ZNF407: variants seen among roughly 807,000 people sequenced by gnomAD.
ZNF407 encodes the protein zinc finger protein 407.
A neutral mutation model predicts 131.2 loss-of-function variants in ZNF407; 17 were observed. That is an observed-to-expected ratio of 0.13 (90% CI 0.09 to 0.19). ZNF407 has a LOEUF of 0.19. Among genes scored for constraint, ZNF407 ranks in the 10% least tolerant of loss-of-function variants. The pLI, the probability that ZNF407 is intolerant of heterozygous loss-of-function variation, is 1.00. For synonymous variants in ZNF407, 1,156 were observed against 1,062.0 expected (o/e 1.09, Z -1.72); for missense variants, 2,681 against 2,830.6 (o/e 0.95, Z 1.20).
intron 1 of ZNF407, among the ~76,000 whole-genome samples, chr18:74,614,667 T>C (rs1375197489): frequency 6.6e-6 from 1 of 152,214 alleles, no homozygotes; most frequent in African/African-American, 2.4e-5. Flanking sequence ...ACTTTCTTAA[T>C]CAGAATCTTT....
intron 3 of ZNF407, among the ~76,000 whole-genome samples, chr18:74,642,514 A>G (rs1984770069): frequency 1.3e-5 from 2 of 152,144 alleles, no homozygotes. Context: ...ACTGTTGTCA[A>G]TAGAGATCTA....
intron 7 of ZNF407, among the ~76,000 whole-genome samples, chr18:74,906,510 T>C (rs1971597092): frequency 6.6e-6 from 1 of 152,236 alleles, no homozygotes; most frequent in African/African-American, 2.4e-5. Context: ...ATTTGCTTTA[T>C]ATGTAGAACA....
chr18:74,816,093 C>T (rs979917596), intron 4 of ZNF407, among the ~76,000 whole-genome samples: 2 of 152,106 alleles, frequency 1.3e-5, no homozygotes, highest in South Asian at 2.1e-4. Context: ...AGGATACTCT[C>T]GTATGAAGGG....
At chr18:74,819,235 A>G (rs1412796098) in intron 4 of ZNF407, among the ~76,000 whole-genome samples, 1 of 152,202 alleles carries the variant, frequency 6.6e-6, no homozygotes, top group Non-Finnish European at 1.5e-5. Flanking sequence ...TGTGTTTGGT[A>G]TCTTGTTATA....
At chr18:74,785,383 C>A (rs143869694) in intron 4 of ZNF407, among the ~76,000 whole-genome samples, 4 of 152,106 alleles carry the variant, frequency 2.6e-5, no homozygotes, top group African/African-American at 9.7e-5. Context: ...CTGGCCTCTC[C>A]CCTTTTATGA....
intron 3 of ZNF407, among the ~76,000 whole-genome samples, chr18:74,670,999 A>G (rs1293816678): frequency 6.6e-6 from 1 of 152,138 alleles, no homozygotes; most frequent in African/African-American, 2.4e-5. Context: ...CGGTTGCACT[A>G]AGTACGTTCC....
chr18:74,625,148 A>G (rs1983732261), intron 1 of ZNF407, among the ~76,000 whole-genome samples: 2 of 152,174 alleles, frequency 1.3e-5, no homozygotes, highest in South Asian at 4.1e-4. Flanking sequence ...ATATTGGGTT[A>G]TTTCATTAAT....
intron 8 of ZNF407, among the ~76,000 whole-genome samples, chr18:75,008,344 G>T (rs908819940): frequency 3.3e-5 from 5 of 152,168 alleles, no homozygotes; most frequent in Admixed American, 1.3e-4. Context: ...CAGCTGTGAA[G>T]CTGCAAAGAA....
At chr18:75,062,420 A>T (rs1187177009) in intron 8 of ZNF407, 1 of 152,222 alleles carries the variant, frequency 6.6e-6, no homozygotes, top group Non-Finnish European at 1.5e-5. Flanking sequence ...GTCCCCTCGA[A>T]GCCCGCTGCC....
chr18:74,872,766 G>GAAAAAAAAAAAAAAA (rs5826351), intron 4 of ZNF407, among the ~76,000 whole-genome samples: 3 of 123,208 alleles, frequency 2.4e-5, no homozygotes, highest in Non-Finnish European at 3.3e-5. Flanking sequence ...AAAAAAAAAA[G>GAAAAAAAAAAAAAAA]AAAAAAAAAA....
Position 74,632,999 on chromosome 18 carries a change from T to A in ZNF407, c.1980T>A (p.Thr660=). 1 of 1,613,382 alleles carries A rather than the reference T, an allele frequency of 6.2e-7. No homozygotes were observed. Among genetic ancestry groups the A allele is most frequent in the East Asian group, 2.2e-5 (1 of 44,784 alleles). ...CTAACAGTGATTTGGTTTTACAGAC[T>A]TTACCTTTGAGTACTTTAGAATCAG... is the stretch of plus-strand genomic sequence containing the variant. ...QSSNSDLVLQ[T]LPLSTLESEN... Residue 660 remains threonine (T), a synonymous_variant, in exon 2 of 9, where the codon ACT becomes ACA. Coordinates refer to ENST00000299687, the MANE Select transcript of ZNF407 (RefSeq NM_017757.3).
intron 4 of ZNF407, among the ~76,000 whole-genome samples, chr18:74,825,135 G>GA (rs1970392557): frequency 6.6e-6 from 1 of 152,124 alleles, no homozygotes; most frequent in South Asian, 2.1e-4. Flanking sequence ...AATAGATGCA[G>GA]AAAAGGCCTG....
chr18:74,876,070 G>A (rs1971151923), intron 4 of ZNF407, among the ~76,000 whole-genome samples: 1 of 152,094 alleles, frequency 6.6e-6, no homozygotes. Context: ...GCCCTTATGG[G>A]GCTAAGGAAA....
intron 4 of ZNF407, among the ~76,000 whole-genome samples, chr18:74,820,798 G>A (rs567341325): frequency 9.2e-5 from 14 of 152,238 alleles, no homozygotes; most frequent in Admixed American, 7.9e-4. Flanking sequence ...AGAAGTCTAT[G>A]ATGGAAGATG....
intron 8 of ZNF407, among the ~76,000 whole-genome samples, chr18:75,040,799 A>G (rs1973363727): frequency 6.6e-6 from 1 of 152,182 alleles, no homozygotes; most frequent in African/African-American, 2.4e-5. Flanking sequence ...TCTTTCTAAT[A>G]CTTCTAATCC....
At chr18:75,052,146 G>A (rs1055913412) in intron 8 of ZNF407, among the ~76,000 whole-genome samples, 20 of 152,282 alleles carry the variant, frequency 1.3e-4, no homozygotes, top group African/African-American at 4.6e-4. Context: ...GTGTGCTTGG[G>A]TGTGCTTAAT....
At chr18:75,059,531 G>A (rs892600762) in intron 8 of ZNF407, among the ~76,000 whole-genome samples, 6 of 152,060 alleles carry the variant, frequency 3.9e-5, no homozygotes, top group Non-Finnish European at 7.4e-5. Context: ...ATTAGAGAAC[G>A]GACAGAAACA....
At chr18:74,741,152 T>G (rs762911234) in intron 3 of ZNF407, among the ~76,000 whole-genome samples, 1 of 152,154 alleles carries the variant, frequency 6.6e-6, no homozygotes, top group Non-Finnish European at 1.5e-5. Context: ...ACCAAGGCAG[T>G]AAACCAGTTG....
intron 8 of ZNF407, among the ~76,000 whole-genome samples, chr18:75,024,241 T>C (rs9319675): frequency 0.17 from 26,228 of 152,142 alleles, 2,496 homozygotes; most frequent in Admixed American, 0.28. Flanking sequence ...GTATTTGAAA[T>C]TCTGTTCATT....
Sources: allele counts gnomAD v4.1 joint callset (sites outside exome capture counted in the v4.1 genomes callset), GRCh38; gene constraint gnomAD v4.1.1; transcripts MANE v1.5; gene names NCBI Gene and HGNC (gene_info 2026-07-23, HGNC 2026-07-21).